NAALADL2: variants seen among roughly 807,000 people sequenced by gnomAD.
NAALADL2 encodes N-acetylated alpha-linked acidic dipeptidase like 2, also known as inactive N-acetylated-alpha-linked acidic dipeptidase-like protein 2.
In NAALADL2, 76 loss-of-function variants were observed where a neutral mutation model predicts 87.2. That is an observed-to-expected ratio of 0.87 (90% CI 0.72 to 1.05). The LOEUF is 1.05. NAALADL2 is among the 50% of genes least tolerant of loss of function. The probability of loss-of-function intolerance (pLI) is 0.00; values close to 1 mark genes in which losing one functional copy is unlikely to be tolerated. For missense variants in NAALADL2, 1,089 were observed against 945.8 expected (o/e 1.15, Z -1.99); for synonymous variants, 354 against 331.0 (o/e 1.07, Z -0.75).
At chr3:174,681,454 A>C (rs1727529816) in intron 2 of NAALADL2, among the ~76,000 whole-genome samples, 1 of 151,980 alleles carries the variant, frequency 6.6e-6, no homozygotes, top group African/African-American at 2.4e-5. Context: ...CCTGCAGAGG[A>C]GAGGGAAGAG....
rs140340503 is a variant in NAALADL2, at chr3:175,300,582, T to A, written c.940-23593T>A. Among the ~76,000 whole-genome samples, 976 of 152,072 alleles carry A rather than the reference T, an allele frequency of 6.4e-3. 12 individuals are homozygous for A. The highest frequency in any genetic ancestry group is 0.022 in the African/African-American group (895 of 41,528). On this transcript the variant is annotated intron_variant, in intron 4 of 13. Transcript: ENST00000454872. Reference sequence around the variant, plus strand: ...TTTCTAGTTTATTTGCGTACAGGTGTTTATTGTATTCTCTGATGGTAGTTT... The same window carrying A: ...TTTCTAGTTTATTTGCGTACAGGTGATTATTGTATTCTCTGATGGTAGTTT...
At chr3:175,329,651 T>C (rs1761168034) in intron 5 of NAALADL2, among the ~76,000 whole-genome samples, 1 of 152,184 alleles carries the variant, frequency 6.6e-6, no homozygotes, top group African/African-American at 2.4e-5. Context: ...GTGTCTGAAT[T>C]CTTACTATTT....
At chr3:175,041,390 C>T (rs891017044) in intron 1 of NAALADL2, among the ~76,000 whole-genome samples, 6 of 152,138 alleles carry the variant, frequency 3.9e-5, no homozygotes, top group Non-Finnish European at 8.8e-5. Flanking sequence ...TTGCTCACAG[C>T]ACCCTCTGTC....
chr3:174,515,643 A>G (rs533007777), intron 1 of NAALADL2, among the ~76,000 whole-genome samples: 1 of 151,710 alleles, frequency 6.6e-6, no homozygotes, highest in East Asian at 1.9e-4. Flanking sequence ...GTTGAACTAG[A>G]GAATCTTTTA....
chr3:175,401,504 T>C (rs1203124011), intron 5 of NAALADL2, among the ~76,000 whole-genome samples: 1 of 152,152 alleles, frequency 6.6e-6, no homozygotes. Flanking sequence ...AATTTAGTCA[T>C]TGTGTACCTA....
At chr3:175,442,686 A>T (rs1299861352) in intron 5 of NAALADL2, among the ~76,000 whole-genome samples, 2 of 152,190 alleles carry the variant, frequency 1.3e-5, no homozygotes, top group Non-Finnish European at 2.9e-5. Context: ...TCAGGGATTG[A>T]ATTATTGACG....
chr3:174,602,098 C>T (rs1221823112), intron 2 of NAALADL2, among the ~76,000 whole-genome samples: 1 of 151,850 alleles, frequency 6.6e-6, no homozygotes, highest in Non-Finnish European at 1.5e-5. Context: ...TTTGGCTATT[C>T]TGAGTATTTT....
At position 175,809,893 on chromosome 3, in the gene NAALADL2, A is replaced by T. The variant is rs1755036088; in HGVS notation, c.*6690A>T. On this transcript the variant is annotated 3_prime_UTR_variant, in exon 14 of 14. Coordinates refer to ENST00000454872, the MANE Select transcript of NAALADL2 (RefSeq NM_207015.3). ...AAAATGAAGAATAGGGATGAGCAGG[A>T]GAAAATTTATAAATTAACCCAGGGT... is the stretch of plus-strand genomic sequence containing the variant. 3 of 152,060 alleles carry T rather than the reference A, an allele frequency of 2.0e-5. No homozygotes were observed. In the South Asian group the frequency reaches 6.2e-4, roughly 32 times the overall value. The allele number at this position is 152,060 out of a possible 1,614,324, so 9.4% of individuals were successfully genotyped here. A position where few individuals can be genotyped will look rare whatever the true frequency, so the allele number is the denominator to read the frequency against.
chr3:175,067,971 G>A (rs1714855642), intron 1 of NAALADL2, among the ~76,000 whole-genome samples: 1 of 152,054 alleles, frequency 6.6e-6, no homozygotes. Context: ...ATAATCCTAA[G>A]TGAATTAATG....
At chr3:175,556,889 T>C (rs1715364016) in intron 9 of NAALADL2, among the ~76,000 whole-genome samples, 1 of 152,154 alleles carries the variant, frequency 6.6e-6, no homozygotes, top group Non-Finnish European at 1.5e-5. Flanking sequence ...TCAGGAAAAG[T>C]CTTACTGCTC....
intron 1 of NAALADL2, among the ~76,000 whole-genome samples, chr3:174,531,000 C>CTA (rs1188169601): frequency 7.9e-5 from 12 of 152,064 alleles, no homozygotes; most frequent in African/African-American, 2.9e-4. Context: ...GCACACTGAC[C>CTA]TACAGTTCAT....
chr3:175,027,494 TA>T (rs1752352335), intron 1 of NAALADL2, among the ~76,000 whole-genome samples: 1 of 152,104 alleles, frequency 6.6e-6, no homozygotes, highest in African/African-American at 2.4e-5. Flanking sequence ...TAAGTTCAAT[TA>T]AAAAGACCTA....
chr3:174,882,815 A>ATACACACG (rs1560319837), intron 1 of NAALADL2, among the ~76,000 whole-genome samples: 3 of 135,282 alleles, frequency 2.2e-5, no homozygotes, highest in African/African-American at 1.1e-4. Context: ...ATATGTGCAT[A>ATACACACG]TGTGTATATA....
intron 9 of NAALADL2, among the ~76,000 whole-genome samples, chr3:175,535,738 A>G (rs1373674787): frequency 1.3e-5 from 2 of 152,192 alleles, no homozygotes; most frequent in Non-Finnish European, 2.9e-5. Flanking sequence ...ATGTTGGGAA[A>G]TTGAACCACC....
In NAALADL2 at chr3:175,040,121, G is replaced by A. The variant is rs1753895104; in HGVS notation, c.44-56669G>A. ...ATCTGTCTACTTAGCATCATGATTT[G>A]GGTGTTTCAAACTCCTGAATAAACA... On this transcript the variant is annotated intron_variant, in intron 1 of 13. Coordinates refer to ENST00000454872, the MANE Select transcript of NAALADL2 (RefSeq NM_207015.3). Among the ~76,000 whole-genome samples the A allele has an allele frequency of 2.0e-5, 3 of 152,146 alleles. 1 individual carries two copies. The South Asian group carries it at 6.2e-4, about 32-fold the overall frequency.
chr3:175,283,515 C>G (rs1754585175), intron 4 of NAALADL2, among the ~76,000 whole-genome samples: 1 of 152,076 alleles, frequency 6.6e-6, no homozygotes, highest in African/African-American at 2.4e-5. Flanking sequence ...ATCCTACCAA[C>G]ATAAAGAGCC....
At chr3:175,290,286 A>G (rs1755493132) in intron 4 of NAALADL2, among the ~76,000 whole-genome samples, 1 of 152,248 alleles carries the variant, frequency 6.6e-6, no homozygotes, top group South Asian at 2.1e-4. Context: ...CAAGTGAATG[A>G]ATAAACAATT....
intron 4 of NAALADL2, among the ~76,000 whole-genome samples, chr3:175,308,002 G>T (rs1757921747): frequency 6.7e-6 from 1 of 150,066 alleles, no homozygotes; most frequent in Non-Finnish European, 1.5e-5. Flanking sequence ...ACAGTAACTT[G>T]TAAAGATTCT....
intron 5 of NAALADL2, among the ~76,000 whole-genome samples, chr3:175,408,113 CAG>C (rs907715062): frequency 4.6e-5 from 7 of 151,820 alleles, no homozygotes; most frequent in South Asian, 2.1e-4. Flanking sequence ...TTAGCAGAAA[CAG>C]GGGAAAGGGG....
Sources: allele counts gnomAD v4.1 joint callset (sites outside exome capture counted in the v4.1 genomes callset), GRCh38; gene constraint gnomAD v4.1.1; transcripts MANE v1.5; gene names NCBI Gene and HGNC (gene_info 2026-07-23, HGNC 2026-07-21).